ZNF813: variants seen among roughly 807,000 people sequenced by gnomAD.
ZNF813 encodes zinc finger protein 813.
A neutral mutation model predicts 7.2 loss-of-function variants in ZNF813; 3 were observed. The observed-to-expected ratio is 0.42, with a 90% CI of 0.19 to 1.08. The LOEUF is 1.08. Among genes scored for constraint, ZNF813 ranks in the 50% least tolerant of loss-of-function variants. The probability of loss-of-function intolerance (pLI) is 0.30; values close to 1 mark genes in which losing one functional copy is unlikely to be tolerated. For missense variants in ZNF813, 714 were observed against 753.3 expected, an observed-to-expected ratio of 0.95 and a Z score of 0.61; for synonymous variants, 227 against 256.3, an observed-to-expected ratio of 0.89 and a Z score of 1.09.
intron 1 of ZNF813, among the ~76,000 whole-genome samples, chr19:53,471,625 C>T (rs141038564): frequency 2.6e-3 from 402 of 151,876 alleles, no homozygotes; most frequent in African/African-American, 3.7e-3. Flanking sequence ...CTGGCTAACA[C>T]GGTGAAACCC....
intron 2 of ZNF813, among the ~76,000 whole-genome samples, chr19:53,485,234 A>T (rs2086426469): frequency 1.3e-5 from 2 of 152,272 alleles, no homozygotes; most frequent in East Asian, 1.9e-4. Flanking sequence ...TTCCTCTAGG[A>T]TGGGGCATTT....
chr19:53,470,402 C>A (rs1600107290), intron 1 of ZNF813, among the ~76,000 whole-genome samples: 1 of 136,154 alleles, frequency 7.3e-6, no homozygotes, highest in Non-Finnish European at 1.6e-5. Flanking sequence ...TCTCCCTTTG[C>A]TTTTTATAAA....
chr19:53,492,062 T>C lies in ZNF813; in HGVS notation c.1830T>C (p.Asn610=). The change falls in exon 4 of 4, where the codon AAT becomes AAC. Residue 610 remains asparagine (N), a synonymous_variant. Coordinates refer to ENST00000396403, the MANE Select transcript of ZNF813 (RefSeq NM_001004301.4). ...LHTGEKPYKF[N]ECGKAFN is the part of the protein sequence containing the mutation. ...CTGGAGAGAAACCTTACAAGTTTAA[T>C]GAGTGTGGCAAAGCTTTTAATTGAA... 1.2e-6 allele frequency: 2 copies of C among 1,613,456 alleles called. No individual in the cohort carries two copies. The highest frequency in any genetic ancestry group is 1.3e-5 in the African/African-American group (1 of 75,010).
chr19:53,489,317 A>G (rs1392656393), intron 3 of ZNF813, among the ~76,000 whole-genome samples: 1 of 152,134 alleles, frequency 6.6e-6, no homozygotes, highest in Admixed American at 6.5e-5. Flanking sequence ...TTAATGTCAC[A>G]TTAACTGGGG....
chr19:53,472,997 CAGGT>C (rs765711510), intron 1 of ZNF813, among the ~76,000 whole-genome samples: 341 of 148,662 alleles, frequency 2.3e-3, no homozygotes, highest in African/African-American at 7.7e-3. Flanking sequence ...GTTCCCTGAC[CAGGT>C]AGGTAGTATG....
chr19:53,472,607 C>CTTTTTTTTTTTTTTTTTTTTT (rs200658542), intron 1 of ZNF813, among the ~76,000 whole-genome samples: 3 of 136,498 alleles, frequency 2.2e-5, no homozygotes, highest in African/African-American at 2.8e-5. Flanking sequence ...AAGTACAAGT[C>CTTTTTTTTTTTTTTTTTTTTT]TTTCTTTTTT....
At position 53,492,581 on chromosome 19, in the gene ZNF813, CAACACT is replaced by C; in HGVS notation, c.*496_*501del. The C allele has an allele frequency of 1.6e-6, 1 of 621,428 alleles. No homozygotes were observed. The highest frequency in any genetic ancestry group is 1.4e-5 in the South Asian group (1 of 69,806). The allele number at this position is 621,428 out of a possible 1,614,324, so 38.5% of individuals were successfully genotyped here. A position where few individuals can be genotyped will look rare whatever the true frequency, so the allele number is the denominator to read the frequency against. On this transcript the variant is annotated 3_prime_UTR_variant, in exon 4 of 4. Transcript: ENST00000396403. ...GTCTGGCAAAGCCTTAATGAGCAGT[CAACACT>C]TACTCACCATCAGGCAATCCATGGT...
At chr19:53,471,456 T>C (rs2708714) in intron 1 of ZNF813, among the ~76,000 whole-genome samples, 75,359 of 151,342 alleles carry the variant, frequency 0.5, 18,952 homozygotes, top group African/African-American at 0.58. Flanking sequence ...CTAGGGAGTC[T>C]GTAAAAGCTT....
At chr19:53,469,801 CAG>C (rs1491354445) in intron 1 of ZNF813, among the ~76,000 whole-genome samples, 112 of 144,802 alleles carry the variant, frequency 7.7e-4, no homozygotes, top group Middle Eastern at 3.4e-3. Flanking sequence ...AGAGTGGGGA[CAG>C]GGGGTATAAC....
chr19:53,480,635 G>A lies in ZNF813; in HGVS notation c.-73-3115G>A, dbSNP rs192407661. Reference sequence around the variant, plus strand: ...AGTTTGATTATTTCAGTGCCTACCTGGTAAAGATGTCAGTGACCTTTTACC... The same window carrying A: ...AGTTTGATTATTTCAGTGCCTACCTAGTAAAGATGTCAGTGACCTTTTACC... On this transcript the variant is annotated intron_variant, in intron 1 of 3. Coordinates refer to ENST00000396403, the MANE Select transcript of ZNF813 (RefSeq NM_001004301.4). Among the ~76,000 whole-genome samples the A allele has an allele frequency of 1.2e-4, 19 of 152,214 alleles. No individual in the cohort carries two copies. The East Asian group carries it at 3.7e-3, about 29-fold the overall frequency.
chr19:53,470,992 C>G (rs186727349), intron 1 of ZNF813, among the ~76,000 whole-genome samples: 7 of 152,216 alleles, frequency 4.6e-5, no homozygotes, highest in Admixed American at 2.6e-4. Flanking sequence ...GGTGCGGTAC[C>G]TTTATGACTT....
intron 3 of ZNF813, 23 bp from the exon 4 acceptor site, chr19:53,490,352 C>A: frequency 1.2e-6 from 2 of 1,612,222 alleles, no homozygotes; most frequent in Middle Eastern, 3.3e-4. Context: ...AACTGGAAAC[C>A]TATTCGTGTT....
intron 1 of ZNF813, among the ~76,000 whole-genome samples, chr19:53,477,858 G>A (rs2086389249): frequency 6.6e-6 from 1 of 152,142 alleles, no homozygotes; most frequent in African/African-American, 2.4e-5. Flanking sequence ...GTGTTCAGAT[G>A]AGTGGGTGAG....
At chr19:53,470,160 T>TCTTTCCTTCCTTCCTTCC (rs146034098) in intron 1 of ZNF813, among the ~76,000 whole-genome samples, 4 of 129,020 alleles carry the variant, frequency 3.1e-5, no homozygotes, top group Admixed American at 7.8e-5. Context: ...TTTCTTTCTT[T>TCTTTCCTTCCTTCCTTCC]TTCTTTTCTT....
At chr19:53,480,398 A>G (rs1468920078) in intron 1 of ZNF813, among the ~76,000 whole-genome samples, 3 of 151,964 alleles carry the variant, frequency 2.0e-5, no homozygotes, top group Non-Finnish European at 4.4e-5. Flanking sequence ...TACTTCTGGA[A>G]GATGCCTTTG....
chr19:53,468,823 C>T (rs891511236), intron 1 of ZNF813, among the ~76,000 whole-genome samples: 2 of 152,134 alleles, frequency 1.3e-5, no homozygotes, highest in Non-Finnish European at 2.9e-5. Context: ...TTCCCAGGGA[C>T]CAGCAGGAGA....
At chr19:53,485,068 C>T (rs2086425824) in intron 2 of ZNF813, among the ~76,000 whole-genome samples, 1 of 152,112 alleles carries the variant, frequency 6.6e-6, no homozygotes, top group Non-Finnish European at 1.5e-5. Context: ...CAGAGCAAGT[C>T]TCATACACGT....
intron 1 of ZNF813, among the ~76,000 whole-genome samples, chr19:53,469,494 T>C (rs183952564): frequency 6.3e-4 from 96 of 152,016 alleles, no homozygotes; most frequent in African/African-American, 2.3e-3. Flanking sequence ...GAAAGACTCA[T>C]AACAGATGGC....
Position 53,483,854 on chromosome 19 carries a change from G to A in ZNF813, c.15+17G>A. ...CTTCCTCAGGTGAGATGATATTTTTGGTGGATTGTTCTGTCTCCTTCCCCT... is the reference window on the plus strand; with the variant it reads ...CTTCCTCAGGTGAGATGATATTTTTAGTGGATTGTTCTGTCTCCTTCCCCT... On this transcript the variant is annotated intron_variant, in intron 2 of 3. Coordinates refer to ENST00000396403, the MANE Select transcript of ZNF813 (RefSeq NM_001004301.4). The A allele has an allele frequency of 5.0e-6, 8 of 1,613,948 alleles. No individual in the cohort carries two copies. The highest frequency in any genetic ancestry group is 6.8e-6 in the Non-Finnish European group (8 of 1,180,012).
Sources: allele counts gnomAD v4.1 joint callset (sites outside exome capture counted in the v4.1 genomes callset), GRCh38; gene constraint gnomAD v4.1.1; transcripts MANE v1.5; gene names NCBI Gene and HGNC (gene_info 2026-07-23, HGNC 2026-07-21).